FEM1C: variants seen among roughly 807,000 people sequenced by gnomAD.
The protein encoded by FEM1C is fem-1 homolog C, also known as protein fem-1 homolog C.
FEM1C carries 15 observed loss-of-function variants against 37.6 expected under a neutral mutation model. The ratio of observed to expected loss-of-function variants is 0.40; its 90% CI spans 0.27 to 0.61. The LOEUF (loss-of-function observed/expected upper bound fraction) is 0.61, where lower values mean the gene tolerates loss of function less well. Among genes scored for constraint, FEM1C ranks in the 20% least tolerant of loss-of-function variants. FEM1C has a pLI of 0.42. For missense variants in FEM1C, 532 were observed against 749.7 expected (o/e 0.71, Z 3.39); for synonymous variants, 287 against 272.8 (o/e 1.05, Z -0.51).
intron 2 of FEM1C, among the ~76,000 whole-genome samples, chr5:115,528,760 T>A (rs1342074287): frequency 6.6e-6 from 1 of 152,024 alleles, no homozygotes; most frequent in African/African-American, 2.4e-5. Context: ...AATAAAGAGC[T>A]GACAGAAAAG....
Position 115,525,349 on chromosome 5 carries a change from C to T in FEM1C, c.813G>A (p.Lys271=), listed in dbSNP as rs1393979173. 3 of 1,613,510 alleles carry T rather than the reference C, an allele frequency of 1.9e-6. No homozygotes were observed. The highest frequency in any genetic ancestry group is 2.5e-6 in the Non-Finnish European group (3 of 1,179,788). The change falls in exon 3 of 3, where the codon AAG becomes AAA. Residue 271 remains lysine, a synonymous_variant. Transcript: ENST00000274457. ...TATCACTGTACCTCATGTTCATTGC[C>T]TTTTTCCAGTATTTCAAAGCCCCAA... The part of the protein sequence containing the change: ...DLLGALKYWK[K]AMNMRYSDRT...
At position 115,521,555 on chromosome 5, in the gene FEM1C, T is replaced by C. The variant is rs1411857742; in HGVS notation, c.*2753A>G. ...ACTGGCATCTAAGTAAAATGACCATTTCTTTTATAGAAATGATCAAAACAG... is the reference window on the plus strand; with the variant it reads ...ACTGGCATCTAAGTAAAATGACCATCTCTTTTATAGAAATGATCAAAACAG... On this transcript the variant is annotated 3_prime_UTR_variant, in exon 3 of 3. Transcript: ENST00000274457. The C allele has an allele frequency of 6.6e-6, 1 of 151,868 alleles. No individual in the cohort carries two copies. The highest frequency in any genetic ancestry group is 1.5e-5 in the Non-Finnish European group (1 of 67,822). The allele number at this position is 151,868 out of a possible 1,614,324, so 9.4% of individuals were successfully genotyped here.
chr5:115,544,110 G>C (rs1754303590), intron 1 of FEM1C: 1 of 985,282 alleles, frequency 1.0e-6, no homozygotes, highest in Non-Finnish European at 1.2e-6. Context: ...GCCGGGTTTC[G>C]AGAAAGAACA....
At position 115,543,311 on chromosome 5, in the gene FEM1C, T is replaced by C. The variant is rs1486751363; in HGVS notation, c.183A>G (p.Leu61=). The change falls in exon 2 of 3, where the codon CTA becomes CTG. Residue 61 remains leucine (L), a synonymous_variant. Transcript: ENST00000274457. Reference sequence around the variant, plus strand: ...CTTCTATGGAGGCACTGCATTGCTCTAGGAGGAATTCCACCATGTCAAGGT... The same window carrying C: ...CTTCTATGGAGGCACTGCATTGCTCCAGGAGGAATTCCACCATGTCAAGGT... The part of the protein sequence containing the change: ...YGHLDMVEFL[L]EQCSASIEVG... 2 of 1,614,080 alleles carry C rather than the reference T, an allele frequency of 1.2e-6. No homozygotes were observed. Among genetic ancestry groups the C allele is most frequent in the African/African-American group, 1.3e-5 (1 of 74,936 alleles).
chr5:115,531,066 G>A (rs1263476286), intron 2 of FEM1C, among the ~76,000 whole-genome samples: 1 of 152,020 alleles, frequency 6.6e-6, no homozygotes, highest in African/African-American at 2.4e-5. Flanking sequence ...GCAAGGTAGA[G>A]ATGATAAACT....
intron 2 of FEM1C, among the ~76,000 whole-genome samples, chr5:115,533,942 T>C (rs1754068309): frequency 6.8e-6 from 1 of 146,864 alleles, no homozygotes; most frequent in Non-Finnish European, 1.5e-5. Context: ...ACTGAATTCA[T>C]AAAAAAAAAA....
At position 115,525,550 on chromosome 5, in the gene FEM1C, A is replaced by G; in HGVS notation, c.612T>C (p.Tyr204=). The change falls in exon 3 of 3, where the codon TAT becomes TAC. Residue 204 remains tyrosine, a synonymous_variant. Transcript: ENST00000274457. The stretch of plus-strand genomic sequence containing the variant: ...AACCATCCTTTTCCATCTTGGCACA[A>G]TACATAAGAAGCATCTTCATGATGT... ...SLDIMKMLLM[Y]CAKMEKDGYG... 1 of 1,613,676 alleles carries G rather than the reference A, an allele frequency of 6.2e-7. No individual in the cohort carries two copies. Among genetic ancestry groups the G allele is most frequent in the South Asian group, 1.1e-5 (1 of 91,076 alleles).
chr5:115,543,962 A>G, intron 1 of FEM1C: 1 of 985,340 alleles, frequency 1.0e-6, no homozygotes, highest in Non-Finnish European at 1.2e-6. Context: ...CTAACCAGCC[A>G]AGCTTTGTTC....
intron 2 of FEM1C, among the ~76,000 whole-genome samples, chr5:115,530,337 A>G (rs1753988287): frequency 6.6e-6 from 1 of 152,134 alleles, no homozygotes; most frequent in Non-Finnish European, 1.5e-5. Context: ...CAAAATATAC[A>G]GATATAATAA....
chr5:115,533,875 AC>A (rs1561558933), intron 2 of FEM1C, among the ~76,000 whole-genome samples: 1 of 151,944 alleles, frequency 6.6e-6, no homozygotes, highest in Non-Finnish European at 1.5e-5. Context: ...ATTATATTAA[AC>A]AATTCTCAAT....
At chr5:115,529,408 GT>G (rs1561557476) in intron 2 of FEM1C, among the ~76,000 whole-genome samples, 1 of 151,926 alleles carries the variant, frequency 6.6e-6, no homozygotes. Flanking sequence ...CGAAAGAAAA[GT>G]AACTGCCAAC....
chr5:115,543,988 C>G (rs1754299645), intron 1 of FEM1C: 2 of 985,414 alleles, frequency 2.0e-6, no homozygotes, highest in Non-Finnish European at 2.4e-6. Context: ...TTGCTTTGCA[C>G]ACGCCCAGGG....
intron 1 of FEM1C, 21 bp from the exon 2 acceptor site, chr5:115,543,704 T>C (rs1274921117): frequency 2.2e-6 from 3 of 1,342,854 alleles, no homozygotes; most frequent in Non-Finnish European, 2.8e-6. Context: ...AAAAAAAAAG[T>C]AGCAGCATTT....
chr5:115,531,485 A>AT (rs1406949237), intron 2 of FEM1C, among the ~76,000 whole-genome samples: 1 of 152,066 alleles, frequency 6.6e-6, no homozygotes, highest in Non-Finnish European at 1.5e-5. Context: ...TCCCTACCCT[A>AT]TCTCTTTAGC....
Position 115,525,602 on chromosome 5 carries a change from T to C in FEM1C, c.560A>G (p.His187Arg). 1 of 1,612,870 alleles carries C rather than the reference T, an allele frequency of 6.2e-7. No individual in the cohort carries two copies. The highest frequency in any genetic ancestry group is 8.5e-7 in the Non-Finnish European group (1 of 1,179,390). ...RKSVKGNTAL[H>R]DCAESGSLDI... ...CAAACTTCCAGATTCTGCACAATCA[T>C]GCAATGCAGTATTACCTTAAAGAGA... The change falls in exon 3 of 3, where the codon CAT becomes CGT. Residue 187 changes from histidine (H) to arginine (R), a missense_variant. By Grantham distance (29) the His-to-Arg change is conservative. Around this residue, in one of 3 missense-constraint regions of FEM1C, gnomAD observed 221 missense variants for 404.1 expected, o/e 0.55. Transcript: ENST00000274457.
chr5:115,542,447 T>C (rs1754261629), intron 2 of FEM1C, among the ~76,000 whole-genome samples: 1 of 152,160 alleles, frequency 6.6e-6, no homozygotes, highest in Admixed American at 6.5e-5. Context: ...CCACTGATAT[T>C]AATCCTTCCA....
At chr5:115,527,235 G>A (rs1753914068) in intron 2 of FEM1C, among the ~76,000 whole-genome samples, 1 of 152,096 alleles carries the variant, frequency 6.6e-6, no homozygotes, top group African/African-American at 2.4e-5. Context: ...CTTTGGGGAT[G>A]CTCAACATAG....
intron 2 of FEM1C, among the ~76,000 whole-genome samples, chr5:115,532,808 G>A (rs145220644): frequency 2.0e-5 from 3 of 151,990 alleles, no homozygotes; most frequent in Admixed American, 6.6e-5. Context: ...ACATTTCCCC[G>A]TTGATGGACA....
At chr5:115,539,172 C>A (rs1429702563) in intron 2 of FEM1C, among the ~76,000 whole-genome samples, 1 of 152,032 alleles carries the variant, frequency 6.6e-6, no homozygotes, top group Non-Finnish European at 1.5e-5. Flanking sequence ...GACAGAATGT[C>A]TTCTAGAGCC....
Sources: gnomAD v4.1 joint callset for allele counts (sites outside exome capture counted in the v4.1 genomes callset) on GRCh38, gnomAD v4.1.1 for gene constraint, gnomAD v4.1.1 regional missense constraint, MANE v1.5 for transcripts, NCBI Gene and HGNC (gene_info 2026-07-23, HGNC 2026-07-21) for gene names.